PFDN2: variants seen among roughly 807,000 people sequenced by gnomAD.
The protein encoded by PFDN2 is prefoldin subunit 2.
Under a neutral mutation model 18.3 loss-of-function variants are expected in PFDN2, and 7 were observed. The observed-to-expected ratio is 0.38, with a 90% confidence interval of 0.22 to 0.72. The LOEUF is 0.72. Ranked by LOEUF, PFDN2 falls within the 30% of genes least tolerant of loss-of-function variation. The pLI, the probability that PFDN2 is intolerant of heterozygous loss-of-function variation, is 0.47. For missense variants in PFDN2, 181 were observed against 199.1 expected, an observed-to-expected ratio of 0.91 and a Z score of 0.55; for synonymous variants, 76 against 75.0, an observed-to-expected ratio of 1.01 and a Z score of -0.07.
intron 1 of PFDN2, among the ~76,000 whole-genome samples, chr1:161,107,713 G>A (rs1654711548): frequency 6.6e-6 from 1 of 151,570 alleles, no homozygotes; most frequent in Non-Finnish European, 1.5e-5. Flanking sequence ...AACTTGGGAG[G>A]CTGAGGCAGG....
chr1:161,114,121 T>G (rs1571189396), intron 1 of PFDN2, among the ~76,000 whole-genome samples: 1 of 152,338 alleles, frequency 6.6e-6, no homozygotes, highest in East Asian at 1.9e-4. Context: ...TTATCATCCA[T>G]AAACTCAATT....
At chr1:161,103,683 CAAAAAAAA>C (rs553472563) in intron 1 of PFDN2, among the ~76,000 whole-genome samples, 13 of 74,916 alleles carry the variant, frequency 1.7e-4, no homozygotes, top group Non-Finnish European at 3.0e-4. Flanking sequence ...GACTCCGTCT[CAAAAAAAA>C]AAAAAAAAAA....
At chr1:161,105,567 C>T (rs547072780) in intron 1 of PFDN2, among the ~76,000 whole-genome samples, 61 of 149,946 alleles carry the variant, frequency 4.1e-4, no homozygotes, top group Non-Finnish European at 7.9e-4. Flanking sequence ...AAGCGATTCT[C>T]CTGCCTCAGC....
intron 1 of PFDN2, among the ~76,000 whole-genome samples, 189 bp downstream of exon 1, chr1:161,117,763 G>C (rs1417123910): frequency 1.3e-5 from 2 of 152,168 alleles, no homozygotes; most frequent in Non-Finnish European, 2.9e-5. Flanking sequence ...TCACGGAGGC[G>C]TGGCTCTCAC....
intron 1 of PFDN2, among the ~76,000 whole-genome samples, chr1:161,113,185 G>T (rs987177094): frequency 6.6e-6 from 1 of 151,878 alleles, no homozygotes; most frequent in Non-Finnish European, 1.5e-5. Flanking sequence ...TAAATTCTTT[G>T]GCATGCACTC....
At chr1:161,100,929 G>T (rs1571179992) in intron 3 of PFDN2, 70 bp from the exon 4 acceptor site, 1 of 1,146,192 alleles carries the variant, frequency 8.7e-7, no homozygotes, top group Non-Finnish European at 1.3e-6. Context: ...ATGGACTATG[G>T]TTGGAGGAAG....
chr1:161,103,468 T>A (rs1408287015), intron 1 of PFDN2, among the ~76,000 whole-genome samples: 1 of 151,014 alleles, frequency 6.6e-6, no homozygotes, highest in Non-Finnish European at 1.5e-5. Flanking sequence ...GGTGGGCAGA[T>A]CACCAGGTCA....
intron 1 of PFDN2, among the ~76,000 whole-genome samples, chr1:161,114,814 C>T (rs545757324): frequency 6.6e-6 from 1 of 152,274 alleles, no homozygotes; most frequent in African/African-American, 2.4e-5. Context: ...CACAGCTTCC[C>T]TTATCCAGCC....
chr1:161,102,341 T>C lies in PFDN2; in HGVS notation c.110A>G (p.Gln37Arg), dbSNP rs747254901. The change falls in exon 2 of 4, where the codon CAG (glutamine) becomes CGG (arginine). Residue 37 changes from glutamine (Q) to arginine (R), a missense_variant. Transcript: ENST00000368010. Reference protein sequence around the residue: ...IAGFNRLRQEQRGLASKAAEL... With the variant: ...IAGFNRLRQERRGLASKAAEL... ...AGCTGCTTTGGATGCCAGGCCTCGCTGTTCCTGCCGAAGGCGGTTGAAGCC... is the reference window on the plus strand; with the variant it reads ...AGCTGCTTTGGATGCCAGGCCTCGCCGTTCCTGCCGAAGGCGGTTGAAGCC... The C allele has an allele frequency of 6.2e-6, 10 of 1,614,066 alleles. No homozygotes were observed. Among genetic ancestry groups the C allele is most frequent in the South Asian group, 1.1e-5 (1 of 91,088 alleles).
chr1:161,108,586 A>G (rs1654736474), intron 1 of PFDN2, among the ~76,000 whole-genome samples: 2 of 152,134 alleles, frequency 1.3e-5, no homozygotes, highest in African/African-American at 2.4e-5. Context: ...CAAAAAACAA[A>G]AAAAACCTCT....
At chr1:161,110,153 A>T (rs1654775895) in intron 1 of PFDN2, among the ~76,000 whole-genome samples, 1 of 151,986 alleles carries the variant, frequency 6.6e-6, no homozygotes, top group South Asian at 2.1e-4. Context: ...TGAGCTCAGG[A>T]GTTCGAGACC....
rs1328467238 is a variant in PFDN2 at position 161,100,685 on chromosome 1, A to G, written c.463T>C (p.Ter155GlnextTer11). ...AAAAAATGCAAAGGCCTTGGTCCCT[A>G]GGAGACCAACACTCCAGCTGAGCTG... ...KASSAGVLVS[*>Q] is the part of the protein sequence containing the mutation. Residue 155 changes from the stop codon to glutamine (Q), a stop_lost, in exon 4 of 4, where the codon TAG (stop) becomes CAG (glutamine). Transcript: ENST00000368010. 3.1e-6 allele frequency: 5 copies of G among 1,608,338 alleles called. No homozygotes were observed. Among genetic ancestry groups the G allele is most frequent in the Non-Finnish European group, 4.3e-6 (5 of 1,176,304 alleles).
intron 1 of PFDN2, among the ~76,000 whole-genome samples, chr1:161,115,819 G>A (rs917710727): frequency 6.6e-6 from 1 of 152,138 alleles, no homozygotes; most frequent in African/African-American, 2.4e-5. Context: ...ACTATCCCAG[G>A]TTTCAGGCAT....
intron 1 of PFDN2, among the ~76,000 whole-genome samples, chr1:161,107,837 G>C (rs2101702926): frequency 1.3e-5 from 2 of 151,226 alleles, no homozygotes; most frequent in Non-Finnish European, 2.9e-5. Context: ...ACAAAGGCCA[G>C]GCGTGCTGGC....
chr1:161,103,416 G>A (rs1258877440), intron 1 of PFDN2, among the ~76,000 whole-genome samples: 1 of 150,924 alleles, frequency 6.6e-6, no homozygotes, highest in East Asian at 1.9e-4. Flanking sequence ...AGGGCCAGGC[G>A]TGGTGGCTCA....
chr1:161,108,582 AC>A (rs1362875785), intron 1 of PFDN2, among the ~76,000 whole-genome samples: 5 of 152,014 alleles, frequency 3.3e-5, no homozygotes, highest in Non-Finnish European at 5.9e-5. Context: ...AAAACAAAAA[AC>A]AAAAAAAACC....
chr1:161,104,003 C>A (rs1021043616), intron 1 of PFDN2, among the ~76,000 whole-genome samples: 8 of 152,146 alleles, frequency 5.3e-5, no homozygotes, highest in African/African-American at 1.9e-4. Context: ...ATACTGGACC[C>A]TCAGAACAAC....
At chr1:161,100,934 AG>A (rs1448195435) in intron 3 of PFDN2, 75 bp from the exon 4 acceptor site, 1 of 1,115,324 alleles carries the variant, frequency 9.0e-7, no homozygotes, top group Non-Finnish European at 1.3e-6. Context: ...CTATGGTTGG[AG>A]GAAGTGTTAA....
intron 1 of PFDN2, among the ~76,000 whole-genome samples, chr1:161,116,273 T>C (rs1219253815): frequency 6.6e-6 from 1 of 151,528 alleles, no homozygotes; most frequent in East Asian, 1.9e-4. Context: ...CCCACCACTC[T>C]GGGAGGCCAA....
Sources: gnomAD v4.1 joint callset for allele counts (sites outside exome capture counted in the v4.1 genomes callset) on GRCh38, gnomAD v4.1.1 for gene constraint, MANE v1.5 for transcripts, NCBI Gene and HGNC (gene_info 2026-07-23, HGNC 2026-07-21) for gene names.